Variants in C2 observed in about 807,000 individuals in gnomAD.
The protein encoded by C2 is complement C2.
In C2, 64 loss-of-function variants were observed where a neutral mutation model predicts 85.2. The observed-to-expected ratio is 0.75, with a 90% CI of 0.61 to 0.92. The LOEUF is 0.92. Among genes scored for constraint, C2 ranks in the 40% least tolerant of loss-of-function variants. C2 has a pLI of 0.00. For synonymous variants in C2, 311 were observed against 370.8 expected, an observed-to-expected ratio of 0.84 and a Z score of 1.85; for missense variants, 820 against 971.6, an observed-to-expected ratio of 0.84 and a Z score of 2.07.
chr6:31,900,392 C>T (rs1275756652), upstream of C2: 19 of 1,544,772 alleles, frequency 1.2e-5, no homozygotes, highest in Non-Finnish European at 1.7e-5. This position sits in a 1 kb window ranked among gnomAD's most constrained non-coding sequence, Gnocchi z 9.7. Flanking sequence ...CCCCGCCCCC[C>T]GGGCAGCCAT....
chr6:31,919,647 T>G (rs1269473765), upstream of C2, among the ~76,000 whole-genome samples: 2 of 152,208 alleles, frequency 1.3e-5, no homozygotes, highest in African/African-American at 2.4e-5. Context: ...CTATCCTCTT[T>G]CCCTCCTTTT....
upstream of C2, among the ~76,000 whole-genome samples, chr6:31,919,105 A>G (rs1452385015): frequency 1.3e-5 from 2 of 151,772 alleles, no homozygotes; most frequent in African/African-American, 4.8e-5. Context: ...TCTCTTGTTA[A>G]TAGTCCAGTA....
At chr6:31,923,631 C>T (rs1017843828), upstream of C2, among the ~76,000 whole-genome samples, 3 of 149,590 alleles carry the variant, frequency 2.0e-5, no homozygotes, top group Admixed American at 6.7e-5. Flanking sequence ...CTACAGGCGC[C>T]GCCACCACAC....
rs1217449612 is a variant in C2, at chr6:31,922,025, A to ACCATGTATAAATACATG, written c.-100+1999_-100+2000insCCATGTATAAATACATG. On this transcript the variant is annotated intron_variant, in intron 1 of 3. Coordinates refer to the C2 transcript ENST00000413154. This position sits in a 1 kb window ranked among gnomAD's most constrained non-coding sequence, Gnocchi z 4.8. ...GTTATCCCATGGTCCAGGGTGAGGG[A>ACCATGTATAAATACATG]GCCCAGTATTTATACCAATCAGTCA... Among the ~76,000 whole-genome samples the ACCATGTATAAATACATG allele has an allele frequency of 1.3e-5, 2 of 152,084 alleles. No homozygotes were observed. The highest frequency in any genetic ancestry group is 2.9e-5 in the Non-Finnish European group (2 of 68,008).
At chr6:31,933,816 C>T (rs751704022) in intron 4 of C2, 33 bp downstream of exon 4, 48 of 1,613,452 alleles carry the variant, frequency 3.0e-5, no homozygotes, top group South Asian at 1.1e-4. Flanking sequence ...TGAGATTCCT[C>T]GGCACACCCG....
At chr6:31,940,802 G>T (rs1342814299) in intron 9 of C2, among the ~76,000 whole-genome samples, 1 of 152,218 alleles carries the variant, frequency 6.6e-6, no homozygotes, top group Non-Finnish European at 1.5e-5. Context: ...CACAAGGCAC[G>T]ATCGTTGTCT....
rs766749899 is a variant in C2, at chr6:31,944,040, G to T, written c.1810+47G>T. ...GCTTGAGAGCTGGGGCCGGGGTTTG[G>T]GGGTGATAACAAGGACTAGGCTGCA... On this transcript the variant is annotated intron_variant, in intron 14 of 17. Transcript: ENST00000299367. This position sits in a 1 kb window ranked among gnomAD's most constrained non-coding sequence, Gnocchi z 5.1. 23 of 1,605,000 alleles carry T rather than the reference G, an allele frequency of 1.4e-5. No individual in the cohort carries two copies.
At chr6:31,928,266 C>A in intron 2 of C2, 102 bp downstream of exon 2, 1 of 1,096,286 alleles carries the variant, frequency 9.1e-7, no homozygotes, top group Non-Finnish European at 1.3e-6. Context: ...GACTAGATGG[C>A]AAAGTTGCTT....
intron 7 of C2, chr6:31,937,000 G>A (rs1770470861): frequency 8.4e-6 from 3 of 356,076 alleles, no homozygotes; most frequent in Non-Finnish European, 1.6e-5. Flanking sequence ...GATCACTTGA[G>A]GTCAGGAAAC....
At chr6:31,908,283 C>T (rs1294446125) in intron 1 of C2, among the ~76,000 whole-genome samples, 4 of 151,784 alleles carry the variant, frequency 2.6e-5, no homozygotes, top group Non-Finnish European at 2.9e-5. Flanking sequence ...CATGAGCCAC[C>T]GTGCTCGGCC....
At chr6:31,936,088 T>C in intron 7 of C2, 27 bp downstream of exon 7, 4 of 1,612,026 alleles carry the variant, frequency 2.5e-6, no homozygotes, top group Non-Finnish European at 3.4e-6. Context: ...GTGATGGTGA[T>C]GAGAGAGGAG....
chr6:31,934,722 G>A (rs1046048069), intron 6 of C2: 2 of 1,146,634 alleles, frequency 1.7e-6, no homozygotes, highest in African/African-American at 1.6e-5. Context: ...TAAAATGTGT[G>A]TGATAGACTG....
At chr6:31,930,896 C>A (rs9332714) in intron 3 of C2, among the ~76,000 whole-genome samples, 1 of 152,340 alleles carries the variant, frequency 6.6e-6, no homozygotes, top group South Asian at 2.1e-4. Flanking sequence ...AACTATTCAG[C>A]TCAATGATTT....
chr6:31,902,225 CCACACCCCCCTCTTTCT>C (rs1767386712), intron 1 of C2, among the ~76,000 whole-genome samples: 1 of 151,212 alleles, frequency 6.6e-6, no homozygotes, highest in African/African-American at 2.4e-5. Flanking sequence ...GAAATACGTT[CCACACCCCCCTCTTTCT>C]CGCTCCCCCT....
upstream of C2, among the ~76,000 whole-genome samples, chr6:31,898,225 T>C (rs926473995): frequency 2.0e-5 from 3 of 152,160 alleles, no homozygotes; most frequent in Non-Finnish European, 4.4e-5. Context: ...GCTAAATGTC[T>C]CTTCTGTTTA....
intron 1 of C2, among the ~76,000 whole-genome samples, chr6:31,906,220 T>A (rs978999755): frequency 6.6e-6 from 1 of 151,974 alleles, no homozygotes; most frequent in African/African-American, 2.4e-5. Flanking sequence ...TGGAAGGGGC[T>A]TACTGCTTGG....
chr6:31,940,928 C>G (rs966512804), intron 9 of C2, among the ~76,000 whole-genome samples: 1 of 152,126 alleles, frequency 6.6e-6, no homozygotes, highest in Non-Finnish European at 1.5e-5. Flanking sequence ...TCTCTGAGAA[C>G]AAAAATGGGC....
chr6:31,928,365 T>C (rs1054200842), intron 2 of C2, among the ~76,000 whole-genome samples: 1 of 152,214 alleles, frequency 6.6e-6, no homozygotes, highest in Non-Finnish European at 1.5e-5. Context: ...TGTGGGGTAC[T>C]AAAGCCAGGG....
chr6:31,937,225 G>T, intron 7 of C2, 94 bp from the exon 8 acceptor site: 32 of 1,244,350 alleles, frequency 2.6e-5, no homozygotes, highest in Non-Finnish European at 3.5e-5. Context: ...AAAAAAAATT[G>T]CATTTCCAAT....
Sources: allele counts gnomAD v4.1 joint callset (sites outside exome capture counted in the v4.1 genomes callset), GRCh38; gene constraint gnomAD v4.1.1; non-coding constraint Gnocchi (gnomAD v3.1); transcripts MANE v1.5; gene names NCBI Gene and HGNC (gene_info 2026-07-23, HGNC 2026-07-21).